SYTL3: variants seen among roughly 807,000 people sequenced by gnomAD.
SYTL3 encodes the protein synaptotagmin-like protein 3.
SYTL3 carries 88 observed loss-of-function variants against 82.1 expected under a neutral mutation model. The ratio of observed to expected loss-of-function variants is 1.07; its 90% CI spans 0.90 to 1.28. The LOEUF is 1.28. Among genes scored for constraint, SYTL3 ranks in the 50% most tolerant of loss-of-function variants. SYTL3 has a pLI of 0.00. For missense variants in SYTL3, 831 were observed against 757.6 expected, an observed-to-expected ratio of 1.10 and a Z score of -1.14; for synonymous variants, 311 against 289.4, an observed-to-expected ratio of 1.07 and a Z score of -0.76.
rs1415388802 is a variant in SYTL3 at position 158,763,299 on chromosome 6, T to C, written c.1518-5T>C. 6.2e-7 allele frequency: 1 copy of C among 1,613,982 alleles called. No homozygotes were observed. Among genetic ancestry groups the C allele is most frequent in the Admixed American group, 1.7e-5 (1 of 60,002 alleles). ...ATGATTGCAGGGTTTGTGTTCCCTC[T>C]TCAGCTGTCTCACTCTGCCAGACCA... On this transcript the variant is annotated splice_polypyrimidine_tract_variant and splice_region_variant and intron_variant, in intron 16 of 17. Transcript: ENST00000611299.
At chr6:158,697,740 A>G (rs1780720356) in intron 6 of SYTL3, among the ~76,000 whole-genome samples, 1 of 152,192 alleles carries the variant, frequency 6.6e-6, no homozygotes, top group Non-Finnish European at 1.5e-5. Context: ...AAAGCAGTTT[A>G]GACCTTCTTG....
chr6:158,761,449 CCTG>C (rs953929625), intron 15 of SYTL3, among the ~76,000 whole-genome samples: 4 of 151,820 alleles, frequency 2.6e-5, no homozygotes, highest in African/African-American at 9.7e-5. Context: ...ACTACAGGCA[CCTG>C]CCACCATGCC....
chr6:158,671,095 C>CAT (rs1562357256), intron 5 of SYTL3, among the ~76,000 whole-genome samples: 1 of 151,752 alleles, frequency 6.6e-6, no homozygotes, highest in Non-Finnish European at 1.5e-5. Context: ...TGAGCCACGG[C>CAT]GCCCGGCCTA....
chr6:158,744,438 C>A (rs773223362), intron 11 of SYTL3, among the ~76,000 whole-genome samples: 1 of 151,364 alleles, frequency 6.6e-6, no homozygotes, highest in Non-Finnish European at 1.5e-5. Flanking sequence ...TCCGGAGTAG[C>A]TGGGACTATA....
At chr6:158,728,286 T>C (rs896195073) in intron 11 of SYTL3, among the ~76,000 whole-genome samples, 3 of 152,016 alleles carry the variant, frequency 2.0e-5, no homozygotes, top group African/African-American at 7.3e-5. Context: ...AAGGTAGAGA[T>C]TGGGGCTCAT....
chr6:158,655,045 C>T (rs1788514379), intron 2 of SYTL3, among the ~76,000 whole-genome samples: 1 of 152,122 alleles, frequency 6.6e-6, no homozygotes, highest in African/African-American at 2.4e-5. Flanking sequence ...CATCATAGAG[C>T]ATTTAAGATC....
intron 8 of SYTL3, 62 bp downstream of exon 8, chr6:158,708,453 G>C: frequency 6.6e-7 from 1 of 1,518,704 alleles, no homozygotes; most frequent in Non-Finnish European, 9.1e-7. Context: ...AGAGGAAGCA[G>C]GGGAGCTTTC....
intron 11 of SYTL3, among the ~76,000 whole-genome samples, chr6:158,744,535 G>T (rs1015923065): frequency 3.3e-5 from 5 of 151,654 alleles, no homozygotes; most frequent in Non-Finnish European, 5.9e-5. Context: ...TAGCCAGGAT[G>T]GTCTCGATCT....
At chr6:158,731,193 A>C (rs1583408095) in intron 11 of SYTL3, among the ~76,000 whole-genome samples, 1 of 151,972 alleles carries the variant, frequency 6.6e-6, no homozygotes, top group Non-Finnish European at 1.5e-5. Context: ...CTGAGGCAGG[A>C]GAATAGCTTG....
At chr6:158,738,562 C>G (rs1159181070) in intron 11 of SYTL3, among the ~76,000 whole-genome samples, 2 of 152,164 alleles carry the variant, frequency 1.3e-5, no homozygotes, top group Non-Finnish European at 2.9e-5. Context: ...TACCTGGACC[C>G]TGAAACACAT....
chr6:158,681,646 C>G (rs549273180), intron 5 of SYTL3, among the ~76,000 whole-genome samples: 8 of 152,234 alleles, frequency 5.3e-5, no homozygotes, highest in Admixed American at 4.6e-4. Flanking sequence ...CCACTGCACT[C>G]CAGCCTGGGC....
chr6:158,727,281 G>A (rs1784850534), intron 11 of SYTL3, among the ~76,000 whole-genome samples: 1 of 151,350 alleles, frequency 6.6e-6, no homozygotes, highest in Admixed American at 6.6e-5. Context: ...TCAAATGATG[G>A]TCATGCCTGT....
At chr6:158,748,854 AAAAAT>A (rs1457828047) in intron 12 of SYTL3, among the ~76,000 whole-genome samples, 1 of 151,060 alleles carries the variant, frequency 6.6e-6, no homozygotes, top group Non-Finnish European at 1.5e-5. Context: ...TGAAAAAAAA[AAAAAT>A]AGAGAATACT....
intron 13 of SYTL3, among the ~76,000 whole-genome samples, chr6:158,755,695 G>A (rs182531116): frequency 7.9e-5 from 12 of 152,310 alleles, no homozygotes; most frequent in Admixed American, 3.3e-4. Context: ...GGGTAAAGGT[G>A]GGCATGAGGA....
In SYTL3 at chr6:158,723,073, C is replaced by T. The variant is rs1194697588; in HGVS notation, c.721-2430C>T. On this transcript the variant is annotated intron_variant, in intron 10 of 17. Transcript: ENST00000611299. ...GAGCCACCATGCCTGGCCAGTTATTCTTTTTAACAGCTACTCTTTTTTTTT... is the reference window on the plus strand; with the variant it reads ...GAGCCACCATGCCTGGCCAGTTATTTTTTTTAACAGCTACTCTTTTTTTTT... Among the ~76,000 whole-genome samples the T allele has an allele frequency of 6.2e-5, 8 of 129,580 alleles. No homozygotes were observed. The Admixed American group carries it at 6.3e-4, about 10-fold the overall frequency. 85.0% of individuals were successfully genotyped at this position (129,580 alleles called of 152,430 possible).
At chr6:158,698,396 CAAAAAAAAA>C (rs561053825) in intron 6 of SYTL3, among the ~76,000 whole-genome samples, 1 of 113,334 alleles carries the variant, frequency 8.8e-6, no homozygotes, top group Non-Finnish European at 1.8e-5. Flanking sequence ...GACTCTGTCT[CAAAAAAAAA>C]AAAAAAAAGG....
intron 6 of SYTL3, among the ~76,000 whole-genome samples, chr6:158,700,837 C>G (rs367942507): frequency 7.2e-5 from 11 of 152,118 alleles, no homozygotes; most frequent in South Asian, 2.1e-4. Context: ...AGGATGGTCT[C>G]GATCTCCTGA....
intron 3 of SYTL3, among the ~76,000 whole-genome samples, chr6:158,662,491 G>A (rs1009862255): frequency 6.6e-6 from 1 of 152,076 alleles, no homozygotes; most frequent in Admixed American, 6.5e-5. Flanking sequence ...CTTCAATTAG[G>A]GTAATGTACA....
At position 158,665,176 on chromosome 6, in the gene SYTL3, G is replaced by A. The variant is rs1357805142; in HGVS notation, c.111-219G>A. ...TTAGTCCTCACAGCAACCCTGGGAGGTAAGGTCATATCACCTGTTTCACGG... is the reference window on the plus strand; with the variant it reads ...TTAGTCCTCACAGCAACCCTGGGAGATAAGGTCATATCACCTGTTTCACGG... On this transcript the variant is annotated intron_variant, in intron 4 of 17. Coordinates refer to ENST00000611299, the MANE Select transcript of SYTL3 (RefSeq NM_001242394.2). Among the ~76,000 whole-genome samples the A allele has an allele frequency of 1.3e-4, 20 of 152,186 alleles. 1 individual carries two copies. The highest frequency in any genetic ancestry group is 1.3e-3 in the Admixed American group (20 of 15,282).
Sources: gnomAD v4.1 joint callset for allele counts (sites outside exome capture counted in the v4.1 genomes callset) on GRCh38, gnomAD v4.1.1 for gene constraint, MANE v1.5 for transcripts, NCBI Gene and HGNC (gene_info 2026-07-23, HGNC 2026-07-21) for gene names.